FAR2: variants seen among roughly 807,000 people sequenced by gnomAD.
FAR2 encodes epididymis secretory protein Li 81.
A neutral mutation model predicts 56.0 loss-of-function variants in FAR2; 19 were observed. That is an observed-to-expected ratio of 0.34 (90% CI 0.24 to 0.50). The LOEUF is 0.50. Ranked by LOEUF, FAR2 falls within the 20% of genes least tolerant of loss-of-function variation. The probability of loss-of-function intolerance (pLI) is 0.98; values close to 1 mark genes in which losing one functional copy is unlikely to be tolerated. For missense variants in FAR2, 508 were observed against 642.2 expected, an observed-to-expected ratio of 0.79 and a Z score of 2.26; for synonymous variants, 219 against 218.8, an observed-to-expected ratio of 1.00 and a Z score of -0.01.
At chr12:29,331,640 T>C (rs543254410) in intron 10 of FAR2, 39 of 152,230 alleles carry the variant, frequency 2.6e-4, no homozygotes, top group African/African-American at 9.4e-4. Context: ...CCTTTCTTTC[T>C]CCAATTAGGC....
intron 1 of FAR2, among the ~76,000 whole-genome samples, chr12:29,187,908 G>T (rs1950059009): frequency 6.6e-6 from 1 of 152,162 alleles, no homozygotes; most frequent in African/African-American, 2.4e-5. Flanking sequence ...GTTCCAATCA[G>T]CCAGTTTCAT....
chr12:29,227,428 C>T (rs573391561), intron 1 of FAR2, among the ~76,000 whole-genome samples: 9 of 152,272 alleles, frequency 5.9e-5, no homozygotes, highest in African/African-American at 1.9e-4. Flanking sequence ...TAACAACAGG[C>T]GTTCCTCCCT....
intron 1 of FAR2, among the ~76,000 whole-genome samples, chr12:29,230,509 A>G (rs1947841001): frequency 6.6e-6 from 1 of 152,054 alleles, no homozygotes; most frequent in Non-Finnish European, 1.5e-5. Context: ...GAGCCAGGCA[A>G]CCCTTGGAGA....
intron 1 of FAR2, among the ~76,000 whole-genome samples, chr12:29,174,797 A>C (rs1284224626): frequency 6.6e-6 from 1 of 152,200 alleles, no homozygotes; most frequent in Non-Finnish European, 1.5e-5. Context: ...GTTAGGACCC[A>C]GGAGGCAAGG....
At chr12:29,323,479 TA>T (rs1053746376) in intron 10 of FAR2, among the ~76,000 whole-genome samples, 10 of 152,146 alleles carry the variant, frequency 6.6e-5, no homozygotes, top group Non-Finnish European at 1.3e-4. Flanking sequence ...CCAAGTAGCC[TA>T]ACTGGGAGGC....
At chr12:29,201,608 T>C (rs979228355) in intron 1 of FAR2, among the ~76,000 whole-genome samples, 5 of 152,200 alleles carry the variant, frequency 3.3e-5, no homozygotes, top group Non-Finnish European at 5.9e-5. Context: ...GTGAAACTTA[T>C]AAGATGAATT....
Position 29,332,584 on chromosome 12 carries a change from C to A in FAR2, c.1258-16C>A. 6.2e-7 allele frequency: 1 copy of A among 1,613,300 alleles called. No individual in the cohort carries two copies. Among genetic ancestry groups the A allele is most frequent in the East Asian group, 2.2e-5 (1 of 44,858 alleles). On this transcript the variant is annotated splice_polypyrimidine_tract_variant and intron_variant, in intron 10 of 11. Coordinates refer to ENST00000536681, the MANE Select transcript of FAR2 (RefSeq NM_001271783.2). Reference sequence around the variant, plus strand: ...CACTGCAATTCTGGCAATCTATAATCTCTCTTGCCTCTCAGGTATTCAACT... The same window carrying A: ...CACTGCAATTCTGGCAATCTATAATATCTCTTGCCTCTCAGGTATTCAACT...
In FAR2 at chr12:29,301,289, T is replaced by C. The variant is rs142759218; in HGVS notation, c.545+4089T>C. Reference sequence around the variant, plus strand: ...ATTTTCCTGGCTCTTATATCTGTAGTTGTCTTCTGCCCCTCATCCCAGCCA... The same window carrying C: ...ATTTTCCTGGCTCTTATATCTGTAGCTGTCTTCTGCCCCTCATCCCAGCCA... On this transcript the variant is annotated intron_variant, in intron 4 of 11. Transcript: ENST00000536681. Among the ~76,000 whole-genome samples, 71 of 152,304 alleles carry C rather than the reference T, an allele frequency of 4.7e-4. No individual in the cohort carries two copies. The East Asian group carries it at 0.012, about 26-fold the overall frequency.
chr12:29,255,294 C>T (rs952242175), intron 1 of FAR2, among the ~76,000 whole-genome samples: 1 of 152,210 alleles, frequency 6.6e-6, no homozygotes, highest in Non-Finnish European at 1.5e-5. Flanking sequence ...AGAGAGCTCT[C>T]TGGTGTCCCT....
At chr12:29,323,112 G>T (rs1227099749) in intron 10 of FAR2, among the ~76,000 whole-genome samples, 1 of 152,256 alleles carries the variant, frequency 6.6e-6, no homozygotes, top group Non-Finnish European at 1.5e-5. Flanking sequence ...GGAGCACATG[G>T]CTTGGAGGGT....
chr12:29,333,187 C>G (rs2136833591), intron 11 of FAR2: 1 of 312,100 alleles, frequency 3.2e-6, no homozygotes, highest in Admixed American at 4.6e-5. Context: ...TTCTAGCACT[C>G]TGGTATAATC....
intron 1 of FAR2, among the ~76,000 whole-genome samples, chr12:29,233,350 C>A (rs987465633): frequency 1.3e-5 from 2 of 152,068 alleles, no homozygotes; most frequent in Non-Finnish European, 2.9e-5. Flanking sequence ...CTTCTGTCTG[C>A]CCTGGTCATC....
chr12:29,275,903 A>G (rs1948699933), intron 2 of FAR2, among the ~76,000 whole-genome samples: 1 of 152,178 alleles, frequency 6.6e-6, no homozygotes, highest in Non-Finnish European at 1.5e-5. Context: ...ACCTGTTTTC[A>G]CTATTGGGCT....
intron 1 of FAR2, among the ~76,000 whole-genome samples, chr12:29,260,718 C>G (rs148991542): frequency 1.3e-5 from 2 of 152,194 alleles, no homozygotes; most frequent in Non-Finnish European, 2.9e-5. Flanking sequence ...TCTCCAGGCC[C>G]TGGCTCCAGG....
chr12:29,245,740 G>A (rs780422499), intron 1 of FAR2, among the ~76,000 whole-genome samples: 1 of 152,042 alleles, frequency 6.6e-6, no homozygotes, highest in African/African-American at 2.4e-5. Context: ...TCCATCTTCT[G>A]TTGTCATCTA....
At chr12:29,205,105 G>GC (rs1204344870) in intron 1 of FAR2, among the ~76,000 whole-genome samples, 3 of 152,078 alleles carry the variant, frequency 2.0e-5, no homozygotes, top group African/African-American at 7.2e-5. Context: ...TTACATTGTT[G>GC]CTTTCATGGA....
At chr12:29,258,748 AGCTGACCCTAT>A (rs1210759354) in intron 1 of FAR2, among the ~76,000 whole-genome samples, 1 of 152,230 alleles carries the variant, frequency 6.6e-6, no homozygotes, top group Non-Finnish European at 1.5e-5. Context: ...CTTTTTTCTC[AGCTGACCCTAT>A]GCTGGCTCAA....
chr12:29,321,813 T>A lies in FAR2; in HGVS notation c.1146T>A (p.Asn382Lys), dbSNP rs1183753031. 6.2e-7 allele frequency: 1 copy of A among 1,613,590 alleles called. No individual in the cohort carries two copies. Among genetic ancestry groups the A allele is most frequent in the Admixed American group, 1.7e-5 (1 of 60,016 alleles). ...GRKPRMTKLMNRLLRTVSMLE... is the reference protein window; with the variant it reads ...GRKPRMTKLMKRLLRTVSMLE... ...ATCTCAGGATGACAAAGCTCATGAA[T>A]CGGCTTTTAAGAACTGTTTCCATGT... Residue 382 changes from asparagine (N) to lysine (K), a missense_variant, in exon 10 of 12, where the codon AAT becomes AAA. Physicochemically the swap from Asn to Lys is moderately conservative, Grantham distance 94 (BLOSUM62 0). Coordinates refer to ENST00000536681, the MANE Select transcript of FAR2 (RefSeq NM_001271783.2).
At chr12:29,323,582 G>A (rs1257325918) in intron 10 of FAR2, among the ~76,000 whole-genome samples, 3 of 152,146 alleles carry the variant, frequency 2.0e-5, no homozygotes, top group East Asian at 3.9e-4. Context: ...CAGAATTTAC[G>A]GTTCACCAAT....
Sources: gnomAD v4.1 joint callset for allele counts (sites outside exome capture counted in the v4.1 genomes callset) on GRCh38, gnomAD v4.1.1 for gene constraint, MANE v1.5 for transcripts, NCBI Gene and HGNC (gene_info 2026-07-23, HGNC 2026-07-21) for gene names.